RYR1: variants seen among roughly 807,000 people sequenced by gnomAD.
RYR1 encodes the protein ryanodine receptor 1, also known as central core disease of muscle.
Under a neutral mutation model 583.5 loss-of-function variants are expected in RYR1, and 342 were observed. The ratio of observed to expected loss-of-function variants is 0.59; its 90% confidence interval spans 0.54 to 0.64. The LOEUF is 0.64. RYR1 is among the 30% of genes least tolerant of loss of function. The probability of loss-of-function intolerance (pLI) is 0.00; values close to 1 mark genes in which losing one functional copy is unlikely to be tolerated. For synonymous variants in RYR1, 2,791 were observed against 2,822.5 expected, an observed-to-expected ratio of 0.99 and a Z score of 0.35; for missense variants, 6,032 against 6,917.2, an observed-to-expected ratio of 0.87 and a Z score of 4.54.
At chr19:38,510,818 C>T in intron 60 of RYR1, 37 bp downstream of exon 60, 1 of 1,613,482 alleles carries the variant, frequency 6.2e-7, no homozygotes, top group Non-Finnish European at 8.5e-7. Flanking sequence ...GCCCCCTGAC[C>T]TCACAGGATT....
chr19:38,485,701 C>T lies in RYR1; in HGVS notation c.5046C>T (p.His1682=), dbSNP rs188554722. The T allele has an allele frequency of 6.3e-5, 101 of 1,611,616 alleles. No homozygotes were observed. The highest frequency in any genetic ancestry group is 3.8e-4 in the Admixed American group (23 of 60,012). The change falls in exon 34 of 106, where the codon CAC becomes CAT. Residue 1682 remains histidine (H), a synonymous_variant. Transcript: ENST00000359596. Reference sequence around the variant, plus strand: ...CCCTGGGCAACAATCGCGTGGCGCACGCTCTGTGCAGCCACGTAGACCAAG... The same window carrying T: ...CCCTGGGCAACAATCGCGTGGCGCATGCTCTGTGCAGCCACGTAGACCAAG... The part of the protein sequence containing the change: ...VCALGNNRVA[H]ALCSHVDQAQ...
At chr19:38,463,659 A>C in intron 21 of RYR1, 88 bp from the exon 22 acceptor site, 1 of 1,471,744 alleles carries the variant, frequency 6.8e-7, no homozygotes, top group Non-Finnish European at 9.5e-7. Context: ...TGGCAGAACT[A>C]GGGTTGGAGG....
At position 38,469,460 on chromosome 19, in the gene RYR1, A is replaced by C. The variant is rs749156914; in HGVS notation, c.3712A>C (p.Ser1238Arg). The change falls in exon 27 of 106, where the codon AGC becomes CGC. Residue 1238 changes from serine to arginine, a missense_variant. Ser to Arg is a moderately radical substitution (Grantham distance 110, BLOSUM62 -1). Coordinates refer to ENST00000359596, the MANE Select transcript of RYR1 (RefSeq NM_000540.3). ...NMQRPVTTWF[S>R]KGLPQFEPVP... ...GCAGCGCCCAGTCACCACCTGGTTC[A>C]GCAAAGGCCTGCCCCAGTTTGAGCC... 2.5e-6 allele frequency: 4 copies of C among 1,614,074 alleles called. No homozygotes were observed. The highest frequency in any genetic ancestry group is 1.1e-5 in the South Asian group (1 of 91,086).
rs140677072 is a variant in RYR1 at position 38,516,365 on chromosome 19, A to G, written c.9685+148A>G. 2.2e-3 allele frequency: 1,942 copies of G among 879,934 alleles called. 7 individuals are homozygous for G. The highest frequency in any genetic ancestry group is 2.6e-3 in the Non-Finnish European group (1,481 of 578,644). The allele number at this position is 879,934 out of a possible 1,614,324, so 54.5% of individuals were successfully genotyped here. A position where few individuals can be genotyped will look rare whatever the true frequency, so the allele number is the denominator to read the frequency against. On this transcript the variant is annotated intron_variant, in intron 65 of 105. Transcript: ENST00000359596. Reference sequence around the variant, plus strand: ...GGTTGGGAGTGCCACACATTCAGGAACCCCAGAGTTTATGGTTCGGGGGCA... The same window carrying G: ...GGTTGGGAGTGCCACACATTCAGGAGCCCCAGAGTTTATGGTTCGGGGGCA...
chr19:38,583,027 T>A (rs1974285372), intron 101 of RYR1, among the ~76,000 whole-genome samples: 1 of 152,172 alleles, frequency 6.6e-6, no homozygotes, highest in Non-Finnish European at 1.5e-5. Flanking sequence ...CCGGGCGCTG[T>A]GGCTCACGCT....
At chr19:38,581,733 G>A (rs1276184567) in intron 101 of RYR1, among the ~76,000 whole-genome samples, 2 of 151,960 alleles carry the variant, frequency 1.3e-5, no homozygotes, top group Admixed American at 1.3e-4. Flanking sequence ...TGAGTAGCTG[G>A]GATTACAGGC....
intron 78 of RYR1, 91 bp downstream of exon 78, chr19:38,532,827 A>T: frequency 3.8e-6 from 5 of 1,329,624 alleles, no homozygotes; most frequent in Non-Finnish European, 5.4e-6. Flanking sequence ...CACAGAGCAA[A>T]GCTCTGGGGA....
intron 64 of RYR1, 123 bp downstream of exon 64, chr19:38,515,230 C>G (rs1970909427): frequency 2.5e-6 from 2 of 814,664 alleles, no homozygotes; most frequent in Admixed American, 4.2e-5. Flanking sequence ...CACACGGCGG[C>G]AGCCGCGGTT....
At chr19:38,458,729 A>G (rs1967564220) in intron 18 of RYR1, among the ~76,000 whole-genome samples, 1 of 152,114 alleles carries the variant, frequency 6.6e-6, no homozygotes, top group African/African-American at 2.4e-5. Context: ...GGTTCAAGTA[A>G]TTCTCCTGCC....
rs116157942 is a variant in RYR1, at chr19:38,473,343, G to A, written c.3766-34G>A. 2,158 of 1,613,284 alleles carry A rather than the reference G, an allele frequency of 1.3e-3. 30 individuals carry two copies. The African/African-American group carries it at 0.025, about 19-fold the overall frequency. Reference sequence around the variant, plus strand: ...ACCAACGGCCTGGCCTAGCCCGCCTGCCCAGCCCAGTACTCCATTCCCTGC... The same window carrying A: ...ACCAACGGCCTGGCCTAGCCCGCCTACCCAGCCCAGTACTCCATTCCCTGC... On this transcript the variant is annotated intron_variant, in intron 27 of 105. Coordinates refer to ENST00000359596, the MANE Select transcript of RYR1 (RefSeq NM_000540.3).
chr19:38,506,783 C>G, intron 56 of RYR1, 46 bp from the exon 57 acceptor site: 4 of 1,613,620 alleles, frequency 2.5e-6, no homozygotes, highest in Non-Finnish European at 3.4e-6. Context: ...GTGAGAGTGG[C>G]CCGGGTCTTC....
At position 38,507,705 on chromosome 19, in the gene RYR1, C is replaced by T. The variant is rs748541593; in HGVS notation, c.8817-7C>T. 1.9e-6 allele frequency: 3 copies of T among 1,577,684 alleles called. No homozygotes were observed. The East Asian group carries it at 6.7e-5, about 35-fold the overall frequency. On this transcript the variant is annotated splice_region_variant and splice_polypyrimidine_tract_variant and intron_variant, in intron 57 of 105. Transcript: ENST00000359596. ...GGGCTGATCCTTCTCTCCACATCTC[C>T]ATGCAGAGGCCTTAAGGACATGGAA... is the stretch of plus-strand genomic sequence containing the variant.
At chr19:38,526,274 C>G (rs1971462625) in intron 71 of RYR1, among the ~76,000 whole-genome samples, 1 of 152,034 alleles carries the variant, frequency 6.6e-6, no homozygotes, top group Non-Finnish European at 1.5e-5. Flanking sequence ...CCTCTCCGAT[C>G]CTTTCCAGCT....
In RYR1 at chr19:38,500,064, C is replaced by A; in HGVS notation, c.7323+48C>A. 1 of 1,528,430 alleles carries A rather than the reference C, an allele frequency of 6.5e-7. No individual in the cohort carries two copies. Among genetic ancestry groups the A allele is most frequent in the South Asian group, 1.1e-5 (1 of 89,030 alleles). 94.7% of individuals were successfully genotyped at this position (1,528,430 alleles called of 1,614,324 possible). On this transcript the variant is annotated intron_variant, in intron 45 of 105. Coordinates refer to ENST00000359596, the MANE Select transcript of RYR1 (RefSeq NM_000540.3). This position sits in a 1 kb window ranked among gnomAD's most constrained non-coding sequence, Gnocchi z 5.9. ...GATGGGAAGGGAGGGCAGGCACAGC[C>A]GCTTTGAACGCCTCATGCAGGCACT...
At chr19:38,449,885 T>TTTTG (rs959685860) in intron 11 of RYR1, among the ~76,000 whole-genome samples, 2 of 151,984 alleles carry the variant, frequency 1.3e-5, no homozygotes, top group African/African-American at 2.4e-5. Context: ...AGAGGTCTAG[T>TTTTG]TTTGTTTGTT....
intron 67 of RYR1, among the ~76,000 whole-genome samples, chr19:38,522,247 A>G (rs537249427): frequency 1.3e-5 from 2 of 152,220 alleles, no homozygotes; most frequent in African/African-American, 4.8e-5. Context: ...GTGTCTATGT[A>G]TTGCATGCAT....
chr19:38,433,978 ACTCGAGGT>A, intron 1 of RYR1, 104 bp downstream of exon 1: 1 of 964,902 alleles, frequency 1.0e-6, no homozygotes, highest in Non-Finnish European at 1.7e-6. Context: ...GGTCTCTGAG[ACTCGAGGT>A]CTCTTCCTAT....
In RYR1 at chr19:38,527,754, A is replaced by T. The variant is rs1971534014; in HGVS notation, c.10794A>T (p.Glu3598Asp). 4 of 1,612,950 alleles carry T rather than the reference A, an allele frequency of 2.5e-6. No homozygotes were observed. Among genetic ancestry groups the T allele is most frequent in the Non-Finnish European group, 3.4e-6 (4 of 1,179,558 alleles). ...AGAAAATCGTGCGCAGAGTCCAGGA[A>T]GTGTCAGCCGTGCTCTACTACCTGG... ...DPEKIVRRVQ[E>D]VSAVLYYLDQ... Residue 3598 changes from glutamate to aspartate, a missense_variant, in exon 73 of 106, where the codon GAA becomes GAT. Glu to Asp is a conservative substitution (Grantham distance 45). Coordinates refer to ENST00000359596, the MANE Select transcript of RYR1 (RefSeq NM_000540.3).
At chr19:38,585,777 C>A (rs1025931781) in intron 102 of RYR1, among the ~76,000 whole-genome samples, 161 bp from the exon 103 acceptor site, 10 of 152,014 alleles carry the variant, frequency 6.6e-5, no homozygotes, top group Non-Finnish European at 1.0e-4. Flanking sequence ...GCCACCGCAC[C>A]CGGCCAATAA....
Sources: allele counts gnomAD v4.1 joint callset (sites outside exome capture counted in the v4.1 genomes callset), GRCh38; gene constraint gnomAD v4.1.1; non-coding constraint Gnocchi (gnomAD v3.1); transcripts MANE v1.5; gene names NCBI Gene and HGNC (gene_info 2026-07-23, HGNC 2026-07-21).